Variants in SLCO1B1 observed in about 807,000 individuals in gnomAD.
The protein encoded by SLCO1B1 is solute carrier organic anion transporter family member 1B1.
Under a neutral mutation model 70.1 loss-of-function variants are expected in SLCO1B1, and 81 were observed. The observed-to-expected ratio is 1.16, with a 90% CI of 0.97 to 1.39. The LOEUF (loss-of-function observed/expected upper bound fraction) is 1.39. SLCO1B1 is among the 40% of genes most tolerant of loss of function. SLCO1B1 has a pLI of 0.00. For missense variants in SLCO1B1, 895 were observed against 799.6 expected (o/e 1.12, Z -1.44); for synonymous variants, 283 against 271.5 (o/e 1.04, Z -0.42).
chr12:21,235,277 T>C lies in SLCO1B1; in HGVS notation c.1866-3702T>C, dbSNP rs564881180. ...ATTAGTTAAATCTTGTTGAATTAAA[T>C]GCTTTATCATTATGTAATGCACTTA... is the stretch of plus-strand genomic sequence containing the variant. On this transcript the variant is annotated intron_variant, in intron 14 of 14. Transcript: ENST00000256958. Among the ~76,000 whole-genome samples, 15 of 152,012 alleles carry C rather than the reference T, an allele frequency of 9.9e-5. No homozygotes were observed. The Middle Eastern group carries it at 0.01, about 103-fold the overall frequency.
intron 14 of SLCO1B1, among the ~76,000 whole-genome samples, chr12:21,233,571 C>CAAAAAA (rs60313934): frequency 6.5e-5 from 9 of 137,616 alleles, no homozygotes; most frequent in Non-Finnish European, 1.1e-4. Flanking sequence ...AACAAACAAA[C>CAAAAAA]AAAAAAAAAA....
Position 21,172,720 on chromosome 12 carries a change from T to C in SLCO1B1, c.155T>C (p.Ile52Thr), listed in dbSNP as rs937855856. 1.2e-6 allele frequency: 2 copies of C among 1,613,318 alleles called. No individual in the cohort carries two copies. Among genetic ancestry groups the C allele is most frequent in the Non-Finnish European group, 1.7e-6 (2 of 1,179,386 alleles). Residue 52 changes from isoleucine to threonine, a missense_variant, in exon 3 of 15, where the codon ATC becomes ACC. Ile to Thr is a moderately conservative substitution (Grantham distance 89, BLOSUM62 -1). Coordinates refer to ENST00000256958, the MANE Select transcript of SLCO1B1 (RefSeq NM_006446.5). ...TLGAIIMKSS[I>T]IHIERRFEIS... ...GGTGCAATTATTATGAAAAGTTCCA[T>C]CATTCATATAGAACGGAGATTTGAG...
chr12:21,238,066 C>T (rs894562554), intron 14 of SLCO1B1, among the ~76,000 whole-genome samples: 2 of 152,094 alleles, frequency 1.3e-5, no homozygotes, highest in East Asian at 1.9e-4. Context: ...TGTTTTCCTT[C>T]TAACCTTTCC....
chr12:21,200,038 T>C (rs1565680207), intron 8 of SLCO1B1, among the ~76,000 whole-genome samples: 1 of 152,108 alleles, frequency 6.6e-6, no homozygotes, highest in African/African-American at 2.4e-5. Context: ...TGACCCCAGG[T>C]GATCCATCTG....
intron 2 of SLCO1B1, among the ~76,000 whole-genome samples, chr12:21,159,112 T>A (rs10743410): frequency 6.6e-6 from 1 of 152,094 alleles, no homozygotes; most frequent in South Asian, 2.1e-4. Context: ...AGTCCCTCTG[T>A]GATAGTAAAC....
In SLCO1B1 at chr12:21,202,423, G is replaced by C. The variant is rs931610051; in HGVS notation, c.1136-68G>C. ...TGAATAAATTTGATTGACATACATTGTGTTTCATCTATAAAGACATATCAG... is the reference window on the plus strand; with the variant it reads ...TGAATAAATTTGATTGACATACATTCTGTTTCATCTATAAAGACATATCAG... On this transcript the variant is annotated intron_variant, in intron 9 of 14. Coordinates refer to ENST00000256958, the MANE Select transcript of SLCO1B1 (RefSeq NM_006446.5). 1.0e-5 allele frequency: 10 copies of C among 981,296 alleles called. No individual in the cohort carries two copies. The East Asian group carries it at 2.5e-4, about 25-fold the overall frequency. The allele number at this position is 981,296 out of a possible 1,614,324, so 60.8% of individuals were successfully genotyped here. A position where few individuals can be genotyped will look rare whatever the true frequency, so the allele number is the denominator to read the frequency against.
chr12:21,155,539 A>G (rs1252357121), intron 2 of SLCO1B1, among the ~76,000 whole-genome samples: 4 of 151,974 alleles, frequency 2.6e-5, no homozygotes, highest in Non-Finnish European at 4.4e-5. Context: ...TTCTCTTTTG[A>G]AATGTTTTCT....
In SLCO1B1 at chr12:21,173,336, C is replaced by T. The variant is rs543188369; in HGVS notation, c.226+545C>T. ...TTTTCTGGTTCATATTTGTGTTTTTCCCTATTAGTAATTTTTTTCTAGATA... is the reference window on the plus strand; with the variant it reads ...TTTTCTGGTTCATATTTGTGTTTTTTCCTATTAGTAATTTTTTTCTAGATA... On this transcript the variant is annotated intron_variant, in intron 3 of 14. Coordinates refer to ENST00000256958, the MANE Select transcript of SLCO1B1 (RefSeq NM_006446.5). Among the ~76,000 whole-genome samples, 5 of 152,078 alleles carry T rather than the reference C, an allele frequency of 3.3e-5. No homozygotes were observed. In the East Asian group the frequency reaches 5.8e-4, roughly 18 times the overall value.
chr12:21,174,125 G>A (rs1940790478), intron 3 of SLCO1B1, among the ~76,000 whole-genome samples: 1 of 152,082 alleles, frequency 6.6e-6, no homozygotes, highest in African/African-American at 2.4e-5. Context: ...TATTTTTATC[G>A]TTAGTATGAA....
chr12:21,150,150 CCT>C (rs1940450547), intron 2 of SLCO1B1, among the ~76,000 whole-genome samples: 1 of 152,160 alleles, frequency 6.6e-6, no homozygotes, highest in Non-Finnish European at 1.5e-5. Flanking sequence ...CTAGATTCCT[CCT>C]CTCTGGGCAG....
At chr12:21,161,865 A>G (rs900316698) in intron 2 of SLCO1B1, among the ~76,000 whole-genome samples, 1 of 152,120 alleles carries the variant, frequency 6.6e-6, no homozygotes, top group African/African-American at 2.4e-5. Flanking sequence ...AAAATTAGCC[A>G]GGTGTGATGG....
intron 12 of SLCO1B1, among the ~76,000 whole-genome samples, chr12:21,220,816 A>G (rs1306858351): frequency 1.4e-5 from 1 of 73,448 alleles, no homozygotes; most frequent in Non-Finnish European, 2.8e-5. Flanking sequence ...AGACTGGTCT[A>G]AAAAAAAAAA....
intron 7 of SLCO1B1, among the ~76,000 whole-genome samples, chr12:21,195,366 A>G (rs1399326346): frequency 6.6e-6 from 1 of 152,136 alleles, no homozygotes. Flanking sequence ...TTCACATGCT[A>G]TCCAATTTTT....
chr12:21,232,415 C>T (rs939808804), intron 14 of SLCO1B1, among the ~76,000 whole-genome samples: 5 of 152,118 alleles, frequency 3.3e-5, no homozygotes, highest in Admixed American at 1.3e-4. Flanking sequence ...CAAGATCAAG[C>T]TCCCACGGAC....
intron 2 of SLCO1B1, among the ~76,000 whole-genome samples, chr12:21,147,830 A>G (rs779151828): frequency 6.6e-6 from 1 of 152,206 alleles, no homozygotes; most frequent in Non-Finnish European, 1.5e-5. Context: ...TCCCACCAAC[A>G]GGGTAAAAGC....
chr12:21,172,521 A>T, intron 2 of SLCO1B1, 129 bp from the exon 3 acceptor site: 1 of 1,043,932 alleles, frequency 9.6e-7, no homozygotes, highest in Non-Finnish European at 1.5e-6. Context: ...AGGGAAAACT[A>T]AGTATGGTTT....
intron 14 of SLCO1B1, among the ~76,000 whole-genome samples, chr12:21,226,201 G>T (rs1245896318): frequency 6.6e-6 from 1 of 152,062 alleles, no homozygotes; most frequent in Non-Finnish European, 1.5e-5. Context: ...GATTCATGAG[G>T]CCAGGATTTC....
intron 2 of SLCO1B1, among the ~76,000 whole-genome samples, chr12:21,161,894 G>A (rs973852533): frequency 3.9e-5 from 6 of 152,008 alleles, no homozygotes; most frequent in Admixed American, 2.0e-4. Context: ...CATAGTCCTA[G>A]CTATTCAGGA....
chr12:21,238,879 A>G, intron 14 of SLCO1B1, 100 bp from the exon 15 acceptor site: 1 of 646,172 alleles, frequency 1.5e-6, no homozygotes, highest in Non-Finnish European at 2.7e-6. Flanking sequence ...TATTTTATTT[A>G]TAATTTTTTT....
Sources: allele counts gnomAD v4.1 joint callset (sites outside exome capture counted in the v4.1 genomes callset), GRCh38; gene constraint gnomAD v4.1.1; transcripts MANE v1.5; gene names NCBI Gene and HGNC (gene_info 2026-07-23, HGNC 2026-07-21).